Variants in TAFA5 observed in about 807,000 individuals in gnomAD.
TAFA5 encodes the protein chemokine-like protein TAFA-5.
Under a neutral mutation model 15.3 loss-of-function variants are expected in TAFA5, and 6 were observed. That is an observed-to-expected ratio of 0.39 (90% confidence interval 0.21 to 0.77). The LOEUF is 0.77. TAFA5 is among the 30% of genes least tolerant of loss of function. TAFA5 has a pLI of 0.41. For synonymous variants in TAFA5, 103 were observed against 80.7 expected, an observed-to-expected ratio of 1.28 and a Z score of -1.48; for missense variants, 161 against 193.1, an observed-to-expected ratio of 0.83 and a Z score of 0.98.
chr22:48,578,030 G>A lies in TAFA5; in HGVS notation c.113-68567G>A, dbSNP rs1042449207. Among the ~76,000 whole-genome samples, 7 of 152,352 alleles carry A rather than the reference G, an allele frequency of 4.6e-5. No homozygotes were observed. In the East Asian group the frequency reaches 1.4e-3, roughly 29 times the overall value. On this transcript the variant is annotated intron_variant, in intron 1 of 3. Coordinates refer to ENST00000402357, the MANE Select transcript of TAFA5 (RefSeq NM_001082967.3). Reference sequence around the variant, plus strand: ...CTGGTGTCGCGTGTCAGGACTGTGGGAGCCACCCCTGGTGCATTCCAGGTA... The same window carrying A: ...CTGGTGTCGCGTGTCAGGACTGTGGAAGCCACCCCTGGTGCATTCCAGGTA...
At chr22:48,579,601 C>T (rs768678447) in intron 1 of TAFA5, among the ~76,000 whole-genome samples, 6 of 152,310 alleles carry the variant, frequency 3.9e-5, no homozygotes, top group Non-Finnish European at 5.9e-5. Context: ...CCTCCAAATA[C>T]GGAGTTAAGG....
At chr22:48,629,002 G>A (rs1029623473) in intron 1 of TAFA5, among the ~76,000 whole-genome samples, 5 of 152,192 alleles carry the variant, frequency 3.3e-5, no homozygotes, top group African/African-American at 1.2e-4. Context: ...GAGGAGTAAA[G>A]AGGAGTGTGA....
chr22:48,633,549 T>C (rs75056423), intron 1 of TAFA5, among the ~76,000 whole-genome samples: 1 of 150,722 alleles, frequency 6.6e-6, no homozygotes, highest in African/African-American at 2.5e-5. Flanking sequence ...CCTCTCTCTC[T>C]CTCTCTCTCC....
In TAFA5 at chr22:48,598,021, C is replaced by T. The variant is rs781571513; in HGVS notation, c.113-48576C>T. On this transcript the variant is annotated intron_variant, in intron 1 of 3. Transcript: ENST00000402357. The surrounding 1 kb of genome is among the most constrained non-coding windows in gnomAD (Gnocchi z 4.0). Reference sequence around the variant, plus strand: ...CGGAACCAATGGGACTTCGAGAGAGCGAGAGGGAGCGAGGTTTCCCTTTTT... The same window carrying T: ...CGGAACCAATGGGACTTCGAGAGAGTGAGAGGGAGCGAGGTTTCCCTTTTT... Among the ~76,000 whole-genome samples, 12 of 152,240 alleles carry T rather than the reference C, an allele frequency of 7.9e-5. No individual in the cohort carries two copies. Among genetic ancestry groups the T allele is most frequent in the South Asian group, 2.1e-4 (1 of 4,818 alleles).
At chr22:48,700,192 A>G (rs541120253) in intron 2 of TAFA5, among the ~76,000 whole-genome samples, 39 of 152,298 alleles carry the variant, frequency 2.6e-4, no homozygotes, top group African/African-American at 5.8e-4. Context: ...GAATCAGTCA[A>G]TGTTCCAGAA....
chr22:48,677,212 A>G (rs1301740601), intron 2 of TAFA5, among the ~76,000 whole-genome samples: 1 of 152,246 alleles, frequency 6.6e-6, no homozygotes, highest in Non-Finnish European at 1.5e-5. Flanking sequence ...GATGGGCTGA[A>G]ACAATTTTAT....
At chr22:48,731,292 G>A (rs1001909210) in intron 3 of TAFA5, among the ~76,000 whole-genome samples, 14 of 152,348 alleles carry the variant, frequency 9.2e-5, no homozygotes, top group African/African-American at 3.4e-4. Flanking sequence ...CTACATAAAA[G>A]TGCAAGGTGA....
At chr22:48,666,510 G>A (rs113119034) in intron 2 of TAFA5, among the ~76,000 whole-genome samples, 661 of 53,568 alleles carry the variant, frequency 0.012, 5 homozygotes, top group African/African-American at 0.025. Flanking sequence ...CCCATGACCA[G>A]GCGTTACTGA....
At chr22:48,689,972 C>T (rs1928486192) in intron 2 of TAFA5, among the ~76,000 whole-genome samples, 1 of 152,200 alleles carries the variant, frequency 6.6e-6, no homozygotes, top group Admixed American at 6.5e-5. Flanking sequence ...GTACACCGCT[C>T]TGCCTTGCAA....
chr22:48,520,893 G>C (rs955688771), intron 1 of TAFA5, among the ~76,000 whole-genome samples: 12 of 152,198 alleles, frequency 7.9e-5, no homozygotes, highest in Non-Finnish European at 8.8e-5. Flanking sequence ...AGGGCCAGGG[G>C]GGGTCGCAGG....
chr22:48,721,224 C>T (rs895862381), intron 3 of TAFA5, among the ~76,000 whole-genome samples: 2 of 152,242 alleles, frequency 1.3e-5, no homozygotes, highest in African/African-American at 4.8e-5. Flanking sequence ...TAGAGGGTTG[C>T]CCCTGTGAGG....
chr22:48,673,556 G>T (rs1927869469), intron 2 of TAFA5, among the ~76,000 whole-genome samples: 1 of 152,326 alleles, frequency 6.6e-6, no homozygotes, highest in Admixed American at 6.5e-5. Flanking sequence ...TCTTCTGAGG[G>T]TGGGATGGCT....
In TAFA5 at chr22:48,560,029, C is replaced by G. The variant is rs1923173373; in HGVS notation, c.112+70325C>G. On this transcript the variant is annotated intron_variant, in intron 1 of 3. Coordinates refer to ENST00000402357, the MANE Select transcript of TAFA5 (RefSeq NM_001082967.3). This position sits in a 1 kb window ranked among gnomAD's most constrained non-coding sequence, Gnocchi z 4.2. ...TGGGCAGGAGTGACTGCAGGGTCTT[C>G]TTTCTATGCACACGCCGGCCATCCT... is the stretch of plus-strand genomic sequence containing the variant. 6.6e-6 allele frequency among the ~76,000 whole-genome samples: 1 copy of G among 152,190 alleles called. No homozygotes were observed. The highest frequency in any genetic ancestry group is 6.5e-5 in the Admixed American group (1 of 15,288).
At chr22:48,522,179 G>A (rs751735560) in intron 1 of TAFA5, among the ~76,000 whole-genome samples, 3 of 152,138 alleles carry the variant, frequency 2.0e-5, no homozygotes, top group Non-Finnish European at 2.9e-5. Flanking sequence ...GCTGACGGTT[G>A]CTGTCCAAGA....
intron 3 of TAFA5, among the ~76,000 whole-genome samples, chr22:48,738,919 A>G (rs555452642): frequency 6.6e-6 from 1 of 152,176 alleles, no homozygotes. Flanking sequence ...ATGCATTGTC[A>G]CCGGCTCCTC....
chr22:48,583,272 C>T lies in TAFA5; in HGVS notation c.113-63325C>T, dbSNP rs559795154. On this transcript the variant is annotated intron_variant, in intron 1 of 3. Transcript: ENST00000402357. ...CACACCACACACTATACACACACCA[C>T]ACACCACACACAAAATACACCACAC... Among the ~76,000 whole-genome samples the T allele has an allele frequency of 4.8e-5, 7 of 145,638 alleles. No homozygotes were observed. The South Asian group carries it at 1.6e-3, about 33-fold the overall frequency.
intron 2 of TAFA5, among the ~76,000 whole-genome samples, chr22:48,674,635 C>T (rs1569074329): frequency 2.6e-5 from 4 of 152,080 alleles, no homozygotes; most frequent in African/African-American, 7.2e-5. Flanking sequence ...CTGCCTGTCC[C>T]GGAACAACAC....
intron 2 of TAFA5, chr22:48,693,309 A>G: frequency 6.2e-7 from 1 of 1,609,278 alleles, no homozygotes; most frequent in Non-Finnish European, 8.5e-7. Context: ...GCCCTAAGAG[A>G]GTAATTGAAA....
chr22:48,578,117 T>G (rs1193244171), intron 1 of TAFA5, among the ~76,000 whole-genome samples: 1 of 152,330 alleles, frequency 6.6e-6, no homozygotes, highest in African/African-American at 2.4e-5. Flanking sequence ...GTTCTCTGCC[T>G]CTCTGGCTGA....
Sources: allele counts gnomAD v4.1 joint callset (sites outside exome capture counted in the v4.1 genomes callset), GRCh38; gene constraint gnomAD v4.1.1; non-coding constraint Gnocchi (gnomAD v3.1); transcripts MANE v1.5; gene names NCBI Gene and HGNC (gene_info 2026-07-23, HGNC 2026-07-21).